Variants in DEPDC4 observed in about 807,000 individuals in gnomAD.
The protein encoded by DEPDC4 is DEP domain containing 4, also known as DEP domain-containing protein 4.
A neutral mutation model predicts 52.0 loss-of-function variants in DEPDC4; 52 were observed. That is an observed-to-expected ratio of 1.00 (90% confidence interval 0.80 to 1.26). The LOEUF (loss-of-function observed/expected upper bound fraction) is 1.26. DEPDC4 is among the 50% of genes most tolerant of loss of function. The probability of loss-of-function intolerance (pLI) is 0.00; values close to 1 mark genes in which losing one functional copy is unlikely to be tolerated. For synonymous variants in DEPDC4, 201 were observed against 196.8 expected, an observed-to-expected ratio of 1.02 and a Z score of -0.18; for missense variants, 530 against 546.9, an observed-to-expected ratio of 0.97 and a Z score of 0.31.
chr12:100,248,047 G>T (rs999052879), intron 8 of DEPDC4, among the ~76,000 whole-genome samples: 8 of 152,024 alleles, frequency 5.3e-5, no homozygotes, highest in African/African-American at 1.9e-4. Context: ...ACAGATTATT[G>T]TGAAGATTAA....
At chr12:100,273,717 C>A in the DEPDC4 span, among the ~76,000 whole-genome samples, 1 of 152,066 alleles carries the variant, frequency 6.6e-6, no homozygotes, top group African/African-American at 2.4e-5. Flanking sequence ...TATTATAATC[C>A]CTTCTGGAAT....
Position 100,253,742 on chromosome 12 carries a change from A to C in DEPDC4, c.879-27T>G, listed in dbSNP as rs777449424. On this transcript the variant is annotated intron_variant, in intron 4 of 9. Transcript: ENST00000550587. Reference sequence around the variant, plus strand: ...TAGAGGGAAAATGCAAACCAAAATAAAGCAATGGTTAACATTTCCATTTAA... The same window carrying C: ...TAGAGGGAAAATGCAAACCAAAATACAGCAATGGTTAACATTTCCATTTAA... The C allele has an allele frequency of 5.9e-6, 7 of 1,187,892 alleles. No individual in the cohort carries two copies. In the South Asian group the frequency reaches 9.2e-5, roughly 16 times the overall value. 73.6% of individuals were successfully genotyped at this position (1,187,892 alleles called of 1,614,324 possible).
intron 1 of DEPDC4, among the ~76,000 whole-genome samples, chr12:100,265,163 G>A (rs1327119973): frequency 3.3e-5 from 5 of 151,960 alleles, no homozygotes; most frequent in East Asian, 3.9e-4. Context: ...GCATGGTGGC[G>A]TGCTCCTATA....
chr12:100,281,075 C>T, the DEPDC4 span, among the ~76,000 whole-genome samples: 6 of 120,736 alleles, frequency 5.0e-5, no homozygotes, highest in Admixed American at 1.1e-4. Flanking sequence ...GTCACCCAGG[C>T]GGGAGTGCAG....
rs761263397 is a variant in DEPDC4, at chr12:100,263,584, C to T, written c.467G>A (p.Ser156Asn). 2.5e-6 allele frequency: 4 copies of T among 1,613,814 alleles called. No individual in the cohort carries two copies. The East Asian group carries it at 6.7e-5, about 27-fold the overall frequency. The change falls in exon 2 of 10, where the codon AGT (serine) becomes AAT (asparagine). Residue 156 changes from serine to asparagine, a missense_variant. Transcript: ENST00000550587. Reference protein sequence around the residue: ...KELEFEDSNISLYRFLGNKSS... With the variant: ...KELEFEDSNINLYRFLGNKSS... ...TTTATTGCCTAGAAACCTGTAGAGA[C>T]TAATGTTGGAATCTTCAAATTCTAA...
Position 100,253,766 on chromosome 12 carries a change from A to T in DEPDC4, c.879-51T>A, listed in dbSNP as rs2096219193. On this transcript the variant is annotated intron_variant, in intron 4 of 9. Coordinates refer to ENST00000550587, the MANE Select transcript of DEPDC4 (RefSeq NM_001364818.2). ...AAAGCAATGGTTAACATTTCCATTTAACTAAAGCACTATTTGATAAAACAT... is the reference window on the plus strand; with the variant it reads ...AAAGCAATGGTTAACATTTCCATTTTACTAAAGCACTATTTGATAAAACAT... 4 of 987,866 alleles carry T rather than the reference A, an allele frequency of 4.0e-6. No individual in the cohort carries two copies. In the African/African-American group the frequency reaches 6.7e-5, roughly 17 times the overall value. 61.2% of individuals were successfully genotyped at this position (987,866 alleles called of 1,614,324 possible).
the DEPDC4 span, among the ~76,000 whole-genome samples, chr12:100,281,532 A>AAAC: frequency 6.6e-6 from 1 of 152,076 alleles, no homozygotes; most frequent in Non-Finnish European, 1.5e-5. Flanking sequence ...CTCTACAGAA[A>AAAC]AATAATAATA....
chr12:100,244,992 C>T (rs962046209), intron 8 of DEPDC4, among the ~76,000 whole-genome samples: 6 of 151,930 alleles, frequency 3.9e-5, no homozygotes, highest in Non-Finnish European at 8.8e-5. Context: ...CTGCCTCAGC[C>T]TCCTGACTAG....
chr12:100,273,762 A>G, the DEPDC4 span, among the ~76,000 whole-genome samples: 8 of 152,284 alleles, frequency 5.3e-5, no homozygotes, highest in East Asian at 1.5e-3. Context: ...TTTTGAGCCC[A>G]TCTTAATATT....
chr12:100,267,088 A>C (rs2153927845), upstream of DEPDC4: 1 of 1,610,508 alleles, frequency 6.2e-7, no homozygotes, highest in East Asian at 2.2e-5. Flanking sequence ...GCCCCGCCCC[A>C]CCTGACACCC....
At chr12:100,235,091 A>T (rs902394805), downstream of DEPDC4, among the ~76,000 whole-genome samples, 3 of 151,996 alleles carry the variant, frequency 2.0e-5, no homozygotes, top group Non-Finnish European at 4.4e-5. Context: ...ATATACACAT[A>T]CATATACATA....
chr12:100,241,756 T>C lies in DEPDC4; in HGVS notation c.*136A>G. ...AGAGAGATGCTGGGGTTACTATTAA[T>C]CTCAAGAGCCAACTGGTGTAGATAC... On this transcript the variant is annotated 3_prime_UTR_variant, in exon 10 of 10. Coordinates refer to ENST00000550587, the MANE Select transcript of DEPDC4 (RefSeq NM_001364818.2). 7.8e-7 allele frequency: 1 copy of C among 1,278,950 alleles called. No individual in the cohort carries two copies. Among genetic ancestry groups the C allele is most frequent in the South Asian group, 1.3e-5 (1 of 79,034 alleles). 79.2% of individuals were successfully genotyped at this position (1,278,950 alleles called of 1,614,324 possible). A position where few individuals can be genotyped will look rare whatever the true frequency, so the allele number is the denominator to read the frequency against.
At chr12:100,267,289 CAG>C, upstream of DEPDC4, 1 of 546,836 alleles carries the variant, frequency 1.8e-6, no homozygotes, top group South Asian at 2.5e-5. Context: ...GGAGTAAAGC[CAG>C]AGTCAGTGGC....
At chr12:100,237,216 T>G (rs1469855085), downstream of DEPDC4, among the ~76,000 whole-genome samples, 1 of 151,312 alleles carries the variant, frequency 6.6e-6, no homozygotes, top group Non-Finnish European at 1.5e-5. Context: ...TCTTTTTTTT[T>G]TTTTTTGAAA....
chr12:100,273,149 CT>C, the DEPDC4 span, among the ~76,000 whole-genome samples: 1 of 152,042 alleles, frequency 6.6e-6, no homozygotes, highest in Non-Finnish European at 1.5e-5. Flanking sequence ...GCTTCCATAG[CT>C]TGATTTCTTA....
chr12:100,234,770 T>C (rs1208668883), intron 9 of DEPDC4, among the ~76,000 whole-genome samples: 1 of 152,210 alleles, frequency 6.6e-6, no homozygotes, highest in African/African-American at 2.4e-5. Context: ...GCTGGATTTA[T>C]TTATACAGAG....
At chr12:100,269,297 A>C (rs185948787), upstream of DEPDC4, among the ~76,000 whole-genome samples, 2 of 151,882 alleles carry the variant, frequency 1.3e-5, no homozygotes, top group African/African-American at 4.8e-5. Context: ...TGGTTATGCT[A>C]CTTCCTCTGC....
At position 100,262,298 on chromosome 12, in the gene DEPDC4, T is replaced by A; in HGVS notation, c.666A>T (p.Thr222=). The A allele has an allele frequency of 6.2e-7, 1 of 1,611,294 alleles. No homozygotes were observed. The highest frequency in any genetic ancestry group is 8.5e-7 in the Non-Finnish European group (1 of 1,179,442). Residue 222 remains threonine (T), a synonymous_variant, in exon 3 of 10, where the codon ACA becomes ACT. Coordinates refer to ENST00000550587, the MANE Select transcript of DEPDC4 (RefSeq NM_001364818.2). ...NGNPALCPNI[T]VQKPFLRLSK... ...AAAGCCGGAGAAAAGGTTTCTGAAC[T>A]GTGATATTTGGACATAAAGCTGGAT...
intron 1 of DEPDC4, among the ~76,000 whole-genome samples, chr12:100,266,278 C>T (rs546736512): frequency 6.6e-6 from 1 of 152,014 alleles, no homozygotes; most frequent in East Asian, 1.9e-4. Context: ...AATCCACCAC[C>T]CTCAAATTCC....
Sources: allele counts gnomAD v4.1 joint callset (sites outside exome capture counted in the v4.1 genomes callset), GRCh38; gene constraint gnomAD v4.1.1; transcripts MANE v1.5; gene names NCBI Gene and HGNC (gene_info 2026-07-23, HGNC 2026-07-21).